Variants in LRRC4C observed in about 807,000 individuals in gnomAD.
LRRC4C encodes the protein leucine-rich repeat-containing protein 4C.
Under a neutral mutation model 33.6 loss-of-function variants are expected in LRRC4C, and 5 were observed. That is an observed-to-expected ratio of 0.15 (90% CI 0.08 to 0.31). The LOEUF (loss-of-function observed/expected upper bound fraction) is 0.31. Ranked by LOEUF, LRRC4C falls within the 10% of genes least tolerant of loss-of-function variation. The pLI is 1.00. For missense variants in LRRC4C, 560 were observed against 796.7 expected (o/e 0.70, Z 3.58); for synonymous variants, 329 against 302.0 (o/e 1.09, Z -0.93).
At chr11:41,208,014 G>T (rs1216806860) in intron 1 of LRRC4C, among the ~76,000 whole-genome samples, 3 of 152,108 alleles carry the variant, frequency 2.0e-5, no homozygotes, top group African/African-American at 7.2e-5. Context: ...GGTGATTTTG[G>T]TGAGTGCTCA....
chr11:40,567,377 A>C (rs950559052), intron 3 of LRRC4C, among the ~76,000 whole-genome samples: 1 of 152,208 alleles, frequency 6.6e-6, no homozygotes, highest in African/African-American at 2.4e-5. Context: ...TTGAATGTCT[A>C]TTATATACCA....
chr11:40,167,022 T>C (rs1242279786), intron 5 of LRRC4C, among the ~76,000 whole-genome samples: 1 of 152,122 alleles, frequency 6.6e-6, no homozygotes, highest in African/African-American at 2.4e-5. Flanking sequence ...TCTACATTAG[T>C]TAAGTGAAAG....
chr11:40,696,620 T>G (rs1484857655), intron 2 of LRRC4C, among the ~76,000 whole-genome samples: 1 of 149,550 alleles, frequency 6.7e-6, no homozygotes, highest in Non-Finnish European at 1.5e-5. Context: ...CAACAAAGTG[T>G]CTTAGGCTAA....
intron 3 of LRRC4C, among the ~76,000 whole-genome samples, chr11:40,504,004 C>T (rs1010984039): frequency 6.6e-6 from 1 of 152,056 alleles, no homozygotes; most frequent in African/African-American, 2.4e-5. Flanking sequence ...GTACAGCCCC[C>T]CAGTAACCCT....
intron 2 of LRRC4C, among the ~76,000 whole-genome samples, chr11:40,813,847 T>C (rs4522161): frequency 0.75 from 114,565 of 152,114 alleles, 46,042 homozygotes; most frequent in East Asian, 0.99. Flanking sequence ...TAAACCTTAA[T>C]AATGTTCCAA....
At chr11:41,060,230 C>G (rs1245177876) in intron 1 of LRRC4C, among the ~76,000 whole-genome samples, 2 of 152,166 alleles carry the variant, frequency 1.3e-5, no homozygotes, top group African/African-American at 2.4e-5. Flanking sequence ...GTTACAACTG[C>G]TCAATCTCTA....
chr11:41,010,039 A>C (rs1855060669), intron 1 of LRRC4C, among the ~76,000 whole-genome samples: 2 of 152,126 alleles, frequency 1.3e-5, no homozygotes, highest in Admixed American at 1.3e-4. Flanking sequence ...ATGTGACTAT[A>C]AGACAAAGAA....
chr11:41,405,122 G>A (rs1954181122), intron 1 of LRRC4C, among the ~76,000 whole-genome samples: 1 of 152,072 alleles, frequency 6.6e-6, no homozygotes, highest in African/African-American at 2.4e-5. Flanking sequence ...AAGTTCATAT[G>A]ATGCTTTCAA....
chr11:40,527,141 G>A (rs2135277502), intron 3 of LRRC4C, among the ~76,000 whole-genome samples: 1 of 152,286 alleles, frequency 6.6e-6, no homozygotes, highest in East Asian at 1.9e-4. Flanking sequence ...GACAAAAGTA[G>A]ACAGATAGGA....
At chr11:40,218,477 GT>G (rs1251325790) in intron 5 of LRRC4C, among the ~76,000 whole-genome samples, 1 of 152,096 alleles carries the variant, frequency 6.6e-6, no homozygotes, top group Non-Finnish European at 1.5e-5. Context: ...ATAAGAATAT[GT>G]TTCTGTAAAA....
chr11:41,428,128 G>C (rs763847403), intron 1 of LRRC4C, among the ~76,000 whole-genome samples: 1 of 152,190 alleles, frequency 6.6e-6, no homozygotes, highest in Non-Finnish European at 1.5e-5. Flanking sequence ...GAGTGAGAAA[G>C]TGGTGAGAAA....
rs574939990 is a variant in LRRC4C at position 40,485,194 on chromosome 11, A to G, written c.-270+162948T>C. Among the ~76,000 whole-genome samples, 11 of 152,150 alleles carry G rather than the reference A, an allele frequency of 7.2e-5. No individual in the cohort carries two copies. In the South Asian group the frequency reaches 2.1e-3, roughly 29 times the overall value. On this transcript the variant is annotated intron_variant, in intron 3 of 6. Transcript: ENST00000528697. ...AAATTTGATATAATTTGAACATAAA[A>G]AACATAATTGACTATACTTCATTTT...
At chr11:40,566,150 A>G (rs1248048689) in intron 3 of LRRC4C, among the ~76,000 whole-genome samples, 2 of 124,410 alleles carry the variant, frequency 1.6e-5, no homozygotes, top group African/African-American at 6.4e-5. Context: ...TTTTTTGACC[A>G]CTTCACTGGA....
At chr11:40,535,396 G>C (rs1279246549) in intron 3 of LRRC4C, among the ~76,000 whole-genome samples, 2 of 152,160 alleles carry the variant, frequency 1.3e-5, no homozygotes, top group Admixed American at 6.5e-5. Flanking sequence ...TTGATTCACT[G>C]GTTGAAATCA....
intron 3 of LRRC4C, among the ~76,000 whole-genome samples, chr11:40,507,364 G>A (rs985734991): frequency 3.3e-5 from 5 of 151,958 alleles, no homozygotes; most frequent in African/African-American, 4.8e-5. Flanking sequence ...AATAAAATCC[G>A]AACAGCCCTA....
intron 4 of LRRC4C, among the ~76,000 whole-genome samples, chr11:40,246,846 C>A (rs549950329): frequency 6.6e-6 from 1 of 152,112 alleles, no homozygotes; most frequent in East Asian, 1.9e-4. Context: ...GTTCATATTT[C>A]TTCTAGTATT....
At chr11:41,077,176 C>A (rs1939216178) in intron 1 of LRRC4C, among the ~76,000 whole-genome samples, 1 of 152,168 alleles carries the variant, frequency 6.6e-6, no homozygotes, top group Non-Finnish European at 1.5e-5. Flanking sequence ...CTTGGTTGCA[C>A]AGTGCAAGCA....
chr11:40,756,791 G>A (rs1272916132), intron 2 of LRRC4C, among the ~76,000 whole-genome samples: 3 of 151,896 alleles, frequency 2.0e-5, no homozygotes, highest in Non-Finnish European at 4.4e-5. Flanking sequence ...AAATCAACAT[G>A]ACTTTATTCT....
At chr11:41,061,759 G>C (rs978389137) in intron 1 of LRRC4C, among the ~76,000 whole-genome samples, 2 of 152,046 alleles carry the variant, frequency 1.3e-5, no homozygotes, top group Non-Finnish European at 2.9e-5. Flanking sequence ...AGGTGAGGCA[G>C]ATTCACGTTT....
Sources: gnomAD v4.1 joint callset for allele counts (sites outside exome capture counted in the v4.1 genomes callset) on GRCh38, gnomAD v4.1.1 for gene constraint, MANE v1.5 for transcripts, NCBI Gene and HGNC (gene_info 2026-07-23, HGNC 2026-07-21) for gene names.